The following BCKDHB variants were observed in gnomAD, a reference collection of about 807,000 sequenced individuals.
The protein encoded by BCKDHB is 2-oxoisovalerate dehydrogenase subunit beta, mitochondrial.
BCKDHB carries 41 observed loss-of-function variants against 48.5 expected under a neutral mutation model. That is an observed-to-expected ratio of 0.85 (90% CI 0.66 to 1.10). The LOEUF (loss-of-function observed/expected upper bound fraction) is 1.10. Ranked by LOEUF, BCKDHB falls within the 50% of genes least tolerant of loss-of-function variation. The pLI is 0.00. For synonymous variants in BCKDHB, 201 were observed against 174.8 expected (o/e 1.15, Z -1.18); for missense variants, 496 against 494.2 (o/e 1.00, Z -0.03).
the BCKDHB span, among the ~76,000 whole-genome samples, chr6:80,379,413 C>A: frequency 7.2e-5 from 11 of 151,934 alleles, no homozygotes; most frequent in Non-Finnish European, 1.3e-4. Flanking sequence ...TTTTAACAAA[C>A]CCTCAACAAA....
chr6:80,231,244 A>G (rs1014375807), intron 8 of BCKDHB, among the ~76,000 whole-genome samples: 7 of 152,218 alleles, frequency 4.6e-5, no homozygotes, highest in African/African-American at 1.2e-4. Context: ...TAGTAAAACA[A>G]TAGAAAAAAA....
At chr6:80,433,067 G>T in the BCKDHB span, among the ~76,000 whole-genome samples, 6 of 152,166 alleles carry the variant, frequency 3.9e-5, no homozygotes, top group Non-Finnish European at 7.4e-5. Flanking sequence ...CCAGATGCCA[G>T]CCAGAGCTCT....
the BCKDHB span, among the ~76,000 whole-genome samples, chr6:80,395,964 A>C: frequency 6.6e-6 from 1 of 152,308 alleles, no homozygotes; most frequent in South Asian, 2.1e-4. Flanking sequence ...GGTGCAAAGA[A>C]GTCAAAAACT....
the BCKDHB span, among the ~76,000 whole-genome samples, chr6:80,431,400 G>A: frequency 9.9e-5 from 15 of 152,164 alleles, no homozygotes; most frequent in Non-Finnish European, 2.2e-4. Context: ...TCATTGATCT[G>A]TCTAATATTG....
intron 1 of BCKDHB, among the ~76,000 whole-genome samples, chr6:80,126,092 A>T (rs1387575607): frequency 6.6e-6 from 1 of 152,194 alleles, no homozygotes; most frequent in African/African-American, 2.4e-5. Context: ...ATCTTTTGCC[A>T]TAAGTGATAT....
the BCKDHB span, among the ~76,000 whole-genome samples, chr6:80,362,143 C>G: frequency 1.3e-5 from 2 of 152,058 alleles, no homozygotes; most frequent in Non-Finnish European, 2.9e-5. Context: ...AACTGAAAGC[C>G]TGTCTGGGCT....
the BCKDHB span, among the ~76,000 whole-genome samples, chr6:80,418,046 C>CT: frequency 6.6e-6 from 1 of 151,916 alleles, no homozygotes; most frequent in African/African-American, 2.4e-5. Flanking sequence ...ATTCATTTTT[C>CT]TTTTTTTGTC....
chr6:80,434,989 A>G, the BCKDHB span, among the ~76,000 whole-genome samples: 1,687 of 152,198 alleles, frequency 0.011, 16 homozygotes, highest in African/African-American at 0.026. Flanking sequence ...TCTTTTCTGC[A>G]AATTCTTGCT....
chr6:80,442,769 A>G, the BCKDHB span, among the ~76,000 whole-genome samples: 1 of 152,192 alleles, frequency 6.6e-6, no homozygotes, highest in Non-Finnish European at 1.5e-5. Flanking sequence ...TCCAAGAACC[A>G]GGAAGCTTTT....
At chr6:80,107,578 T>A in intron 1 of BCKDHB, among the ~76,000 whole-genome samples, 1 of 146,652 alleles carries the variant, frequency 6.8e-6, no homozygotes, top group African/African-American at 2.6e-5. Context: ...TGCATATATG[T>A]ATATATGTCC....
intron 1 of BCKDHB, 23 bp downstream of exon 1, chr6:80,106,912 C>G (rs753888639): frequency 6.3e-7 from 1 of 1,588,544 alleles, no homozygotes; most frequent in Admixed American, 1.8e-5. Context: ...ACTGCCCACT[C>G]GGTCCCGCTG....
chr6:80,406,749 G>A, the BCKDHB span, among the ~76,000 whole-genome samples: 233 of 152,238 alleles, frequency 1.5e-3, no homozygotes, highest in African/African-American at 5.4e-3. Context: ...GTAGATTCTG[G>A]ATATTAGCTA....
intron 6 of BCKDHB, among the ~76,000 whole-genome samples, chr6:80,193,027 C>G (rs973760973): frequency 6.6e-6 from 1 of 151,858 alleles, no homozygotes. Flanking sequence ...CACCATATTG[C>G]CCAGGCTGGT....
At chr6:80,314,766 C>T (rs878881719) in intron 9 of BCKDHB, among the ~76,000 whole-genome samples, 2 of 152,180 alleles carry the variant, frequency 1.3e-5, no homozygotes, top group Admixed American at 1.3e-4. Context: ...GAGACCAGAC[C>T]TCTGTCCATA....
the BCKDHB span, among the ~76,000 whole-genome samples, chr6:80,438,152 C>A: frequency 2.6e-5 from 4 of 152,286 alleles, no homozygotes; most frequent in African/African-American, 7.2e-5. Context: ...TCGGTTTCTT[C>A]CTCAGATCAC....
intron 9 of BCKDHB, among the ~76,000 whole-genome samples, chr6:80,306,846 G>A (rs1767904330): frequency 6.6e-6 from 1 of 152,112 alleles, no homozygotes. Flanking sequence ...ATGCCTCCTG[G>A]AGGCTCTTCT....
chr6:80,429,502 T>G, the BCKDHB span, among the ~76,000 whole-genome samples: 1 of 152,236 alleles, frequency 6.6e-6, no homozygotes, highest in East Asian at 1.9e-4. Context: ...TTCCTATCCA[T>G]GAGCATGGAA....
the BCKDHB span, among the ~76,000 whole-genome samples, chr6:80,392,555 T>A: frequency 6.3e-3 from 960 of 151,932 alleles, 14 homozygotes; most frequent in African/African-American, 0.022. Context: ...ATGCTCCTTA[T>A]TGTTCTTAAT....
At chr6:80,422,805 G>A in the BCKDHB span, among the ~76,000 whole-genome samples, 13 of 152,274 alleles carry the variant, frequency 8.5e-5, no homozygotes, top group African/African-American at 3.1e-4. Context: ...TACCCCAGTT[G>A]TATCTAGGAA....
Sources: allele counts gnomAD v4.1 joint callset (sites outside exome capture counted in the v4.1 genomes callset), GRCh38; gene constraint gnomAD v4.1.1; transcripts MANE v1.5; gene names NCBI Gene and HGNC (gene_info 2026-07-23, HGNC 2026-07-21).